CAPN6: variants seen among roughly 807,000 people sequenced by gnomAD.
CAPN6 encodes the protein calpain-6.
In CAPN6, 16 loss-of-function variants were observed where a neutral mutation model predicts 46.0. The ratio of observed to expected loss-of-function variants is 0.35; its 90% CI spans 0.24 to 0.53. The LOEUF (loss-of-function observed/expected upper bound fraction) is 0.53. Among genes scored for constraint, CAPN6 ranks in the 20% least tolerant of loss-of-function variants. The pLI, the probability that CAPN6 is intolerant of heterozygous loss-of-function variation, is 0.94. For synonymous variants in CAPN6, 206 were observed against 172.8 expected, an observed-to-expected ratio of 1.19 and a Z score of -1.51; for missense variants, 461 against 498.0, an observed-to-expected ratio of 0.93 and a Z score of 0.71.
chrX:111,251,198 C>A lies in CAPN6; in HGVS notation c.971+11G>T, dbSNP rs920067855. The A allele has an allele frequency of 6.6e-6, 8 of 1,206,849 alleles. No homozygotes were observed. The African/African-American group carries it at 7.1e-5, about 11-fold the overall frequency. On this transcript the variant is annotated intron_variant, in intron 7 of 12. Transcript: ENST00000324068. ...AGCCCCAATTCCCTTAGTGCAGAAA[C>A]CCCTCCTCACCAAAACTCTCCATCA... is the stretch of plus-strand genomic sequence containing the variant.
At chrX:111,261,473 C>T (rs1381967045) in intron 2 of CAPN6, among the ~76,000 whole-genome samples, 4 of 112,276 alleles carry the variant, frequency 3.6e-5, no homozygotes, top group East Asian at 2.8e-4. Flanking sequence ...GCCCATAGTA[C>T]GCATGTCATG....
intron 12 of CAPN6, 133 bp downstream of exon 12, chrX:111,247,235 T>C (rs1603408107): frequency 3.8e-6 from 2 of 525,107 alleles, no homozygotes; most frequent in Non-Finnish European, 6.1e-6. Flanking sequence ...TGAGAAGAGT[T>C]TTTGAGTATA....
intron 2 of CAPN6, among the ~76,000 whole-genome samples, chrX:111,258,494 G>A (rs377162051): frequency 1.8e-5 from 2 of 111,685 alleles, no homozygotes; most frequent in African/African-American, 3.3e-5. Flanking sequence ...CCAAGTAGTC[G>A]TTATCTTACT....
rs1885935626 is a variant in CAPN6 at position 111,246,759 on chromosome X, C to T, written c.1744G>A (p.Val582Ile). ...TCACAGAATTTTCGGCTGTTCCAGACCTGGAAAGACAAACGAAGGGAGTGA... is the reference window on the plus strand; with the variant it reads ...TCACAGAATTTTCGGCTGTTCCAGATCTGGAAAGACAAACGAAGGGAGTGA... ...RTTDIPIIVQ[V>I]WNSRKFCDQF... Residue 582 changes from valine to isoleucine, a missense_variant and splice_region_variant, in exon 13 of 13, where the codon GTC becomes ATC. Transcript: ENST00000324068. 4.2e-6 allele frequency: 5 copies of T among 1,202,598 alleles called. No individual in the cohort carries two copies. The Admixed American group carries it at 8.8e-5, about 21-fold the overall frequency.
chrX:111,261,873 C>G (rs1353841577), intron 2 of CAPN6, among the ~76,000 whole-genome samples: 1 of 111,659 alleles, frequency 9.0e-6, no homozygotes, highest in East Asian at 2.8e-4. Flanking sequence ...TTACCATCTA[C>G]TTCTTAGCCT....
chrX:111,247,946 G>C lies in CAPN6; in HGVS notation c.1531C>G (p.Arg511Gly), dbSNP rs759303147. The part of the protein sequence containing the change: ...MPKMSCWNLA[R>G]GYPKVVTQIT... ...TGAGTAACTACTTTCGGGTAGCCAC[G>C]AGCCAGGTTCCAGCAGGACATTTTG... is the stretch of plus-strand genomic sequence containing the variant. Residue 511 changes from arginine to glycine, a missense_variant, in exon 11 of 13, where the codon CGT becomes GGT. Physicochemically the swap from Arg to Gly is moderately radical, Grantham distance 125. Coordinates refer to ENST00000324068, the MANE Select transcript of CAPN6 (RefSeq NM_014289.4). 1.7e-6 allele frequency: 2 copies of C among 1,210,095 alleles called. No individual in the cohort carries two copies. The highest frequency in any genetic ancestry group is 2.2e-6 in the Non-Finnish European group (2 of 894,086).
intron 8 of CAPN6, 77 bp downstream of exon 8, chrX:111,250,839 CT>C: frequency 1.1e-6 from 1 of 924,211 alleles, no homozygotes; most frequent in Admixed American, 2.5e-5. Flanking sequence ...TAAAGAAATA[CT>C]CCAGAGATGA....
intron 8 of CAPN6, among the ~76,000 whole-genome samples, chrX:111,249,740 C>A (rs1449380649): frequency 1.8e-5 from 2 of 109,865 alleles, no homozygotes; most frequent in Non-Finnish European, 3.8e-5. Flanking sequence ...TCCCTTGAGC[C>A]CAGGAATTCA....
chrX:111,248,338 G>A (rs908804083), intron 10 of CAPN6, among the ~76,000 whole-genome samples: 3 of 112,153 alleles, frequency 2.7e-5, no homozygotes, highest in South Asian at 3.7e-4. Flanking sequence ...TTAGACTATA[G>A]GCCTGTTCCT....
At chrX:111,253,368 A>C (rs2094981262) in intron 3 of CAPN6, 152 bp from the exon 4 acceptor site, 2 of 477,779 alleles carry the variant, frequency 4.2e-6, no homozygotes, top group African/African-American at 4.8e-5. Context: ...TAGATATGGC[A>C]TTTTGCCCAC....
chrX:111,247,338 C>T, intron 12 of CAPN6, 30 bp downstream of exon 12: 3 of 1,157,561 alleles, frequency 2.6e-6, no homozygotes, highest in Non-Finnish European at 1.2e-6. Context: ...AAGTATGAGC[C>T]TTTCTGGCGA....
intron 11 of CAPN6, 119 bp from the exon 12 acceptor site, chrX:111,247,623 T>C (rs1041145200): frequency 1.3e-6 from 1 of 756,955 alleles, no homozygotes; most frequent in Non-Finnish European, 1.9e-6. Context: ...AGCACCAGAA[T>C]GACTGAGATT....
rs3795192 is a variant in CAPN6 at position 111,262,552 on chromosome X, G to T, written c.165+1220C>A. Among the ~76,000 whole-genome samples the T allele has an allele frequency of 4.1e-3, 459 of 111,945 alleles. 11 individuals carry two copies. In the East Asian group the frequency reaches 0.072, roughly 18 times the overall value. On this transcript the variant is annotated intron_variant, in intron 2 of 12. Transcript: ENST00000324068. ...ACACAGAAAGGAACCTCATTAAATA[G>T]GACCTGAATGTCTTCAGGATATTAT...
At chrX:111,248,116 C>T (rs1440989628) in intron 10 of CAPN6, 124 bp from the exon 11 acceptor site, 1 of 636,826 alleles carries the variant, frequency 1.6e-6, no homozygotes, top group East Asian at 3.2e-5. Flanking sequence ...CATTCCTCCT[C>T]AGATATGTCT....
At chrX:111,248,346 C>T (rs1429460938) in intron 10 of CAPN6, among the ~76,000 whole-genome samples, 1 of 112,167 alleles carries the variant, frequency 8.9e-6, no homozygotes, top group Non-Finnish European at 1.9e-5. Flanking sequence ...TAGGCCTGTT[C>T]CTCTTTAAGG....
At chrX:111,262,695 G>T (rs1489284109) in intron 2 of CAPN6, among the ~76,000 whole-genome samples, 1 of 111,864 alleles carries the variant, frequency 8.9e-6, no homozygotes, top group East Asian at 2.8e-4. Flanking sequence ...TTTAGGTATA[G>T]CAAGGTTGCA....
At chrX:111,260,152 C>A (rs867533230) in intron 2 of CAPN6, among the ~76,000 whole-genome samples, 9 of 111,508 alleles carry the variant, frequency 8.1e-5, no homozygotes, top group African/African-American at 1.6e-4. Flanking sequence ...GATGATCTGG[C>A]ATTGAACAAT....
Position 111,270,420 on chromosome X carries a change from C to T in CAPN6, c.-65G>A. 2.8e-6 allele frequency: 1 copy of T among 353,297 alleles called. No individual in the cohort carries two copies. The allele number at this position is 353,297 out of a possible 1,213,427, so 29.1% of individuals were successfully genotyped here. On this transcript the variant is annotated 5_prime_UTR_variant, in exon 1 of 13. Transcript: ENST00000324068. ...GCTGCTGCTGCTGCTGCTGCTGCTG[C>T]TGCTGCCGTTGCCGCTGCTGCTGTT...
chrX:111,265,294 G>A (rs1387450185), intron 1 of CAPN6, among the ~76,000 whole-genome samples: 1 of 112,318 alleles, frequency 8.9e-6, no homozygotes, highest in Non-Finnish European at 1.9e-5. Context: ...TAATTTAAAT[G>A]TTTGCAATGT....
Sources: allele counts gnomAD v4.1 joint callset (sites outside exome capture counted in the v4.1 genomes callset), GRCh38; gene constraint gnomAD v4.1.1; transcripts MANE v1.5; gene names NCBI Gene and HGNC (gene_info 2026-07-23, HGNC 2026-07-21).